SCAMP5: variants seen among roughly 807,000 people sequenced by gnomAD.
SCAMP5 encodes secretory carrier-associated membrane protein 5.
A neutral mutation model predicts 28.3 loss-of-function variants in SCAMP5; 7 were observed. The observed-to-expected ratio is 0.25, with a 90% CI of 0.14 to 0.46. The LOEUF (loss-of-function observed/expected upper bound fraction) is 0.46. Ranked by LOEUF, SCAMP5 falls within the 20% of genes least tolerant of loss-of-function variation. The pLI, the probability that SCAMP5 is intolerant of heterozygous loss-of-function variation, is 0.99. For missense variants in SCAMP5, 192 were observed against 312.5 expected (o/e 0.61, Z 2.91); for synonymous variants, 117 against 116.4 (o/e 1.00, Z -0.03).
At chr15:75,011,385 C>T (rs74818361) in intron 1 of SCAMP5, among the ~76,000 whole-genome samples, 28 of 152,194 alleles carry the variant, frequency 1.8e-4, no homozygotes, top group Non-Finnish European at 3.8e-4. Flanking sequence ...ACTCATTCTT[C>T]CAGCACCATA....
chr15:75,016,515 C>A, intron 3 of SCAMP5, 78 bp from the exon 4 acceptor site: 2 of 1,366,788 alleles, frequency 1.5e-6, no homozygotes, highest in Non-Finnish European at 1.0e-6. Flanking sequence ...GTGTGTGTGC[C>A]CATGTCCGGG....
chr15:75,012,194 C>T (rs560112937), intron 2 of SCAMP5, among the ~76,000 whole-genome samples: 2 of 152,318 alleles, frequency 1.3e-5, no homozygotes, highest in Non-Finnish European at 2.9e-5. Context: ...GTTCAGAAGG[C>T]TCAGAGGTGT....
At position 74,996,441 on chromosome 15, in the gene SCAMP5, A is replaced by G. The variant is rs2065654814; in HGVS notation, c.-49+768A>G. ...CTGTCACAGGCGGCTTAAACAAGTA[A>G]TGTCCCAGCTTCCCGATGGGGAGAT... is the stretch of plus-strand genomic sequence containing the variant. On this transcript the variant is annotated intron_variant, in intron 1 of 6. Transcript: ENST00000425597. The surrounding 1 kb of genome is among the most constrained non-coding windows in gnomAD (Gnocchi z 4.1). 6.6e-6 allele frequency: 1 copy of G among 152,368 alleles called. No individual in the cohort carries two copies. Among genetic ancestry groups the G allele is most frequent in the Non-Finnish European group, 1.5e-5 (1 of 68,170 alleles). 9.4% of individuals were successfully genotyped at this position (152,368 alleles called of 1,614,324 possible). A position where few individuals can be genotyped will look rare whatever the true frequency, so the allele number is the denominator to read the frequency against.
chr15:75,018,022 T>G lies in SCAMP5; in HGVS notation c.395+51T>G. 1 of 1,154,068 alleles carries G rather than the reference T, an allele frequency of 8.7e-7. No homozygotes were observed. The highest frequency in any genetic ancestry group is 1.3e-5 in the South Asian group (1 of 79,730). The allele number at this position is 1,154,068 out of a possible 1,614,324, so 71.5% of individuals were successfully genotyped here. A position where few individuals can be genotyped will look rare whatever the true frequency, so the allele number is the denominator to read the frequency against. The stretch of plus-strand genomic sequence containing the variant: ...GCTGGCAGGGGTGGCGTTGTGGGTG[T>G]ATCTTTTGCTTACCTTTGTGTGCTA... On this transcript the variant is annotated intron_variant, in intron 5 of 6. Coordinates refer to ENST00000425597, the MANE Select transcript of SCAMP5 (RefSeq NM_138967.4). This position sits in a 1 kb window ranked among gnomAD's most constrained non-coding sequence, Gnocchi z 5.6.
chr15:75,011,596 G>A, intron 1 of SCAMP5, 196 bp from the exon 2 acceptor site: 1 of 385,052 alleles, frequency 2.6e-6, no homozygotes, highest in Non-Finnish European at 4.7e-6. Flanking sequence ...AGCAGAGGGC[G>A]GGAGCAGCTG....
intron 1 of SCAMP5, among the ~76,000 whole-genome samples, chr15:75,005,897 G>T (rs566530166): frequency 6.8e-6 from 1 of 146,174 alleles, no homozygotes; most frequent in East Asian, 2.0e-4. Context: ...GTTATTTTTT[G>T]TATTTTTTGG....
intron 1 of SCAMP5, chr15:75,007,469 C>T (rs2065771100): frequency 6.6e-6 from 1 of 152,322 alleles, no homozygotes; most frequent in African/African-American, 2.4e-5. Flanking sequence ...TTCATTGCAG[C>T]CTCGACTTCC....
In SCAMP5 at chr15:75,019,019, A is replaced by G. The variant is rs750242162; in HGVS notation, c.*36A>G. The G allele has an allele frequency of 4.8e-5, 69 of 1,422,694 alleles. No individual in the cohort carries two copies. The highest frequency in any genetic ancestry group is 2.1e-4 in the Admixed American group (8 of 37,838). The allele number at this position is 1,422,694 out of a possible 1,614,324, so 88.1% of individuals were successfully genotyped here. A position where few individuals can be genotyped will look rare whatever the true frequency, so the allele number is the denominator to read the frequency against. ...CCTACCAGGTGGCAGAGCTGGGGCC[A>G]TTGGGACAGGGGGCTCAAGCCACAT... On this transcript the variant is annotated 3_prime_UTR_variant, in exon 7 of 7. Transcript: ENST00000425597.
intron 3 of SCAMP5, among the ~76,000 whole-genome samples, chr15:75,014,845 A>G (rs2065845388): frequency 6.6e-6 from 1 of 152,222 alleles, no homozygotes; most frequent in Non-Finnish European, 1.5e-5. Context: ...GATGTGAACC[A>G]ATATAATAGG....
intron 1 of SCAMP5, among the ~76,000 whole-genome samples, chr15:75,003,610 G>C (rs2065729489): frequency 6.6e-6 from 1 of 152,154 alleles, no homozygotes; most frequent in Non-Finnish European, 1.5e-5. Flanking sequence ...AGGGGTTTGA[G>C]AACAGCTTGG....
At chr15:75,015,017 C>T (rs1251262860) in intron 3 of SCAMP5, among the ~76,000 whole-genome samples, 1 of 152,096 alleles carries the variant, frequency 6.6e-6, no homozygotes, top group East Asian at 1.9e-4. Flanking sequence ...GGTGGTCAGG[C>T]CAGGCTTGTA....
At chr15:75,000,879 C>T (rs1307231259) in intron 1 of SCAMP5, among the ~76,000 whole-genome samples, 1 of 152,002 alleles carries the variant, frequency 6.6e-6, no homozygotes, top group Admixed American at 6.6e-5. Context: ...TCTTTCGTTC[C>T]TTAAGTATGC....
chr15:75,018,612 C>A lies in SCAMP5; in HGVS notation c.513+77C>A. 1 of 1,172,868 alleles carries A rather than the reference C, an allele frequency of 8.5e-7. No individual in the cohort carries two copies. Among genetic ancestry groups the A allele is most frequent in the Non-Finnish European group, 1.3e-6 (1 of 777,834 alleles). 72.7% of individuals were successfully genotyped at this position (1,172,868 alleles called of 1,614,324 possible). A position where few individuals can be genotyped will look rare whatever the true frequency, so the allele number is the denominator to read the frequency against. ...CTGAAACAAGCCCTCCTCCAAGTTG[C>A]AAGAGGATCCCGAGGTCTTCCAAGG... On this transcript the variant is annotated intron_variant, in intron 6 of 6. Coordinates refer to ENST00000425597, the MANE Select transcript of SCAMP5 (RefSeq NM_138967.4). This position sits in a 1 kb window ranked among gnomAD's most constrained non-coding sequence, Gnocchi z 5.6.
Position 75,019,197 on chromosome 15 carries a change from G to A in SCAMP5, c.*214G>A. Reference sequence around the variant, plus strand: ...TGCTCTTGGCACTCAGCTGTGGGCTGCACGTGGAGCTGTCCCGTGCGGTAG... The same window carrying A: ...TGCTCTTGGCACTCAGCTGTGGGCTACACGTGGAGCTGTCCCGTGCGGTAG... On this transcript the variant is annotated 3_prime_UTR_variant, in exon 7 of 7. Coordinates refer to ENST00000425597, the MANE Select transcript of SCAMP5 (RefSeq NM_138967.4). 2.7e-6 allele frequency: 1 copy of A among 374,726 alleles called. No individual in the cohort carries two copies. The highest frequency in any genetic ancestry group is 4.6e-6 in the Non-Finnish European group (1 of 215,158). 23.2% of individuals were successfully genotyped at this position (374,726 alleles called of 1,614,324 possible).
At chr15:75,000,510 G>A (rs527833210) in intron 1 of SCAMP5, among the ~76,000 whole-genome samples, 4 of 151,880 alleles carry the variant, frequency 2.6e-5, no homozygotes, top group South Asian at 4.2e-4. Flanking sequence ...TCAGCATCCC[G>A]AGTAGCTGGG....
rs2065659441 is a variant in SCAMP5, at chr15:74,996,948, C to T, written c.-49+1275C>T. 2.0e-5 allele frequency among the ~76,000 whole-genome samples: 3 copies of T among 152,028 alleles called. No homozygotes were observed. Among genetic ancestry groups the T allele is most frequent in the African/African-American group, 7.3e-5 (3 of 41,368 alleles). Reference sequence around the variant, plus strand: ...AACCCCTTGGAGAGTTAGTGGGGTCCCAGGAGGGGAGTTCTAGAGAGAGAC... The same window carrying T: ...AACCCCTTGGAGAGTTAGTGGGGTCTCAGGAGGGGAGTTCTAGAGAGAGAC... On this transcript the variant is annotated intron_variant, in intron 1 of 6. Coordinates refer to ENST00000425597, the MANE Select transcript of SCAMP5 (RefSeq NM_138967.4). The surrounding 1 kb of genome is among the most constrained non-coding windows in gnomAD (Gnocchi z 4.1).
At chr15:75,004,748 AAG>A (rs971261452) in intron 1 of SCAMP5, among the ~76,000 whole-genome samples, 1 of 151,826 alleles carries the variant, frequency 6.6e-6, no homozygotes, top group Admixed American at 6.6e-5. Flanking sequence ...AAAAAAAAGA[AAG>A]AGAGAAAGAA....
rs762628351 is a variant in SCAMP5 at position 75,018,395 on chromosome 15, C to T, written c.396-23C>T. The T allele has an allele frequency of 1.2e-5, 19 of 1,520,538 alleles. No homozygotes were observed. Among genetic ancestry groups the T allele is most frequent in the Non-Finnish European group, 1.6e-5 (17 of 1,094,862 alleles). 94.2% of individuals were successfully genotyped at this position (1,520,538 alleles called of 1,614,324 possible). On this transcript the variant is annotated intron_variant, in intron 5 of 6. Transcript: ENST00000425597. This position sits in a 1 kb window ranked among gnomAD's most constrained non-coding sequence, Gnocchi z 5.6. The stretch of plus-strand genomic sequence containing the variant: ...GGGCACCTCTTATCCTGCCCGCAGC[C>T]CCACACTGGCCTCTTCCTGCAGCGG...
At chr15:75,001,869 C>CAAAAAAA (rs769760180) in intron 1 of SCAMP5, among the ~76,000 whole-genome samples, 2 of 40,452 alleles carry the variant, frequency 4.9e-5, no homozygotes, top group South Asian at 9.9e-4. Flanking sequence ...GACTCGGTCT[C>CAAAAAAA]AAAAAAAAAA....
Sources: gnomAD v4.1 joint callset for allele counts (sites outside exome capture counted in the v4.1 genomes callset) on GRCh38, gnomAD v4.1.1 for gene constraint, Gnocchi (gnomAD v3.1) non-coding constraint, MANE v1.5 for transcripts, NCBI Gene and HGNC (gene_info 2026-07-23, HGNC 2026-07-21) for gene names.